The following PLCB1 variants were observed in gnomAD, a reference collection of about 807,000 sequenced individuals.
PLCB1 encodes phospholipase C beta 1.
PLCB1 carries 46 observed loss-of-function variants against 161.8 expected under a neutral mutation model. That is an observed-to-expected ratio of 0.28 (90% confidence interval 0.22 to 0.36). PLCB1 has a LOEUF of 0.36. Ranked by LOEUF, PLCB1 falls within the 10% of genes least tolerant of loss-of-function variation. PLCB1 has a pLI of 1.00. For missense variants in PLCB1, 1,016 were observed against 1,472.5 expected, an observed-to-expected ratio of 0.69 and a Z score of 5.07; for synonymous variants, 517 against 503.7, an observed-to-expected ratio of 1.03 and a Z score of -0.35.
intron 2 of PLCB1, among the ~76,000 whole-genome samples, chr20:8,222,106 T>G (rs1309685611): frequency 3.3e-5 from 5 of 152,184 alleles, no homozygotes; most frequent in Non-Finnish European, 7.3e-5. Flanking sequence ...ACAGTGTTTA[T>G]AATTTGGCTT....
chr20:8,718,861 T>C (rs1979475956), intron 14 of PLCB1, among the ~76,000 whole-genome samples: 1 of 152,218 alleles, frequency 6.6e-6, no homozygotes, highest in Non-Finnish European at 1.5e-5. Flanking sequence ...GCATTGTCAT[T>C]GATGATATGC....
At chr20:8,287,346 G>T (rs558337754) in intron 2 of PLCB1, among the ~76,000 whole-genome samples, 1 of 152,066 alleles carries the variant, frequency 6.6e-6, no homozygotes, top group Non-Finnish European at 1.5e-5. Flanking sequence ...CTGGGATCAC[G>T]AATATTTAAT....
In PLCB1 at chr20:8,841,278, G is replaced by A. The variant is rs536282266; in HGVS notation, c.3424-40344G>A. ...CTACAAGACAATTTCCTTAAAATGT[G>A]TGAGTAATGGCTATTAAATCATTTT... On this transcript the variant is annotated intron_variant, in intron 31 of 31. Coordinates refer to ENST00000338037, the MANE Select transcript of PLCB1 (RefSeq NM_015192.4). Among the ~76,000 whole-genome samples the A allele has an allele frequency of 2.2e-3, 328 of 152,340 alleles. 4 individuals are homozygous for A. Among genetic ancestry groups the A allele is most frequent in the African/African-American group, 7.7e-3 (319 of 41,574 alleles).
chr20:8,644,395 T>G (rs1167909282), intron 4 of PLCB1, among the ~76,000 whole-genome samples: 1 of 135,554 alleles, frequency 7.4e-6, no homozygotes, highest in Non-Finnish European at 1.6e-5. Context: ...GTGAGGAGCG[T>G]CTCTGCCCGG....
At chr20:8,815,837 T>C (rs1985062513) in intron 31 of PLCB1, among the ~76,000 whole-genome samples, 1 of 152,234 alleles carries the variant, frequency 6.6e-6, no homozygotes, top group Non-Finnish European at 1.5e-5. Flanking sequence ...TGAAAATCAA[T>C]AGTTTTCCTC....
intron 25 of PLCB1, among the ~76,000 whole-genome samples, chr20:8,760,953 G>A (rs115636755): frequency 1.3e-5 from 2 of 152,138 alleles, no homozygotes; most frequent in Admixed American, 6.5e-5. Context: ...AGTATGTAGT[G>A]GAATCTTAAA....
rs148766511 is a variant in PLCB1 at position 8,785,532 on chromosome 20, C to T, written c.3112-2917C>T. On this transcript the variant is annotated intron_variant, in intron 27 of 31. Transcript: ENST00000338037. Reference sequence around the variant, plus strand: ...TTTAGATAAGTGTGTGTTCTGGGACCACAGGAGGTGGAAACTTGTTCTGCA... The same window carrying T: ...TTTAGATAAGTGTGTGTTCTGGGACTACAGGAGGTGGAAACTTGTTCTGCA... 1.9e-3 allele frequency among the ~76,000 whole-genome samples: 296 copies of T among 152,182 alleles called. 2 individuals carry two copies. The Middle Eastern group carries it at 0.051, about 26-fold the overall frequency.
intron 2 of PLCB1, among the ~76,000 whole-genome samples, chr20:8,281,165 T>C (rs576824487): frequency 6.6e-6 from 1 of 152,288 alleles, no homozygotes; most frequent in Admixed American, 6.5e-5. Context: ...TTCAAAGCTA[T>C]GTGTTTAGCA....
rs111909915 is a variant in PLCB1 at position 8,773,345 on chromosome 20, C to T, written c.2931-1194C>T. ...AAAAGAGCATACCTACTCTTTGTAC[C>T]CTGTTCCCAATACTCTGTCTTTCTT... is the stretch of plus-strand genomic sequence containing the variant. On this transcript the variant is annotated intron_variant, in intron 26 of 31. Coordinates refer to ENST00000338037, the MANE Select transcript of PLCB1 (RefSeq NM_015192.4). Among the ~76,000 whole-genome samples, 437 of 152,258 alleles carry T rather than the reference C, an allele frequency of 2.9e-3. 2 individuals are homozygous for T. The highest frequency in any genetic ancestry group is 1.0e-2 in the African/African-American group (415 of 41,554).
chr20:8,882,189 T>G lies in PLCB1; in HGVS notation c.*340T>G, dbSNP rs1414700062. On this transcript the variant is annotated 3_prime_UTR_variant, in exon 32 of 32. Transcript: ENST00000338037. ...GAAGAAAATCAAGCTCGTGTTTTTA[T>G]TCGAAGCTCTGGTGTAAAATATTTC... The G allele has an allele frequency of 8.2e-6, 2 of 244,002 alleles. No homozygotes were observed. The highest frequency in any genetic ancestry group is 1.6e-5 in the Non-Finnish European group (2 of 125,170). The allele number at this position is 244,002 out of a possible 1,614,324, so 15.1% of individuals were successfully genotyped here.
At chr20:8,140,166 G>C (rs2051388131) in intron 1 of PLCB1, among the ~76,000 whole-genome samples, 1 of 152,160 alleles carries the variant, frequency 6.6e-6, no homozygotes. Context: ...TCACCTTTCT[G>C]AATGTGGTAG....
chr20:8,150,692 C>T (rs1184429968), intron 2 of PLCB1, among the ~76,000 whole-genome samples: 1 of 152,114 alleles, frequency 6.6e-6, no homozygotes, highest in African/African-American at 2.4e-5. Context: ...TTTAAGTCCC[C>T]ACCCATAAAG....
intron 3 of PLCB1, among the ~76,000 whole-genome samples, chr20:8,557,016 T>A (rs866841809): frequency 4.4e-4 from 53 of 121,256 alleles, no homozygotes; most frequent in Middle Eastern, 3.9e-3. Context: ...ATAAATAAAA[T>A]AAATAAAAAA....
At chr20:8,742,539 A>T (rs1254100181) in intron 23 of PLCB1, among the ~76,000 whole-genome samples, 2 of 152,226 alleles carry the variant, frequency 1.3e-5, no homozygotes, top group Admixed American at 1.3e-4. Context: ...ACTGTAATTC[A>T]AACATCCCAT....
intron 3 of PLCB1, among the ~76,000 whole-genome samples, chr20:8,545,311 G>A (rs1435204520): frequency 6.6e-6 from 1 of 152,214 alleles, no homozygotes; most frequent in Non-Finnish European, 1.5e-5. Flanking sequence ...GTGTGATATG[G>A]AAGAGGAGGC....
At chr20:8,189,810 T>C (rs914774639) in intron 2 of PLCB1, among the ~76,000 whole-genome samples, 5 of 152,208 alleles carry the variant, frequency 3.3e-5, no homozygotes, top group South Asian at 2.1e-4. Context: ...CTGACAACTT[T>C]CCATGTATGA....
chr20:8,472,511 T>C (rs1982098416), intron 3 of PLCB1, among the ~76,000 whole-genome samples: 1 of 152,120 alleles, frequency 6.6e-6, no homozygotes, highest in Non-Finnish European at 1.5e-5. Context: ...GATATACATA[T>C]ATACCATTAC....
chr20:8,206,532 A>G (rs956853517), intron 2 of PLCB1, among the ~76,000 whole-genome samples: 4 of 152,150 alleles, frequency 2.6e-5, no homozygotes, highest in Admixed American at 6.6e-5. Flanking sequence ...TAATAATTTG[A>G]TAAATTTAGT....
At chr20:8,198,092 G>A (rs1389319500) in intron 2 of PLCB1, among the ~76,000 whole-genome samples, 1 of 152,122 alleles carries the variant, frequency 6.6e-6, no homozygotes, top group Non-Finnish European at 1.5e-5. Context: ...GTCAGGTAGT[G>A]TGATGCCTCC....
Sources: allele counts gnomAD v4.1 joint callset (sites outside exome capture counted in the v4.1 genomes callset), GRCh38; gene constraint gnomAD v4.1.1; transcripts MANE v1.5; gene names NCBI Gene and HGNC (gene_info 2026-07-23, HGNC 2026-07-21).